The following ACYP1 variants were observed in gnomAD, a reference collection of about 807,000 sequenced individuals.
ACYP1 encodes acylphosphatase 1.
Under a neutral mutation model 10.4 loss-of-function variants are expected in ACYP1, and 8 were observed. That is an observed-to-expected ratio of 0.77 (90% CI 0.45 to 1.38). The LOEUF is 1.38. Among genes scored for constraint, ACYP1 ranks in the 40% most tolerant of loss-of-function variants. The probability of loss-of-function intolerance (pLI) is 0.00; values close to 1 mark genes in which losing one functional copy is unlikely to be tolerated. For synonymous variants in ACYP1, 38 were observed against 40.8 expected (o/e 0.93, Z 0.26); for missense variants, 93 against 117.3 (o/e 0.79, Z 0.96).
intron 1 of ACYP1, 95 bp from the exon 2 acceptor site, chr14:75,063,656 T>C: frequency 1.0e-6 from 1 of 998,014 alleles, no homozygotes; most frequent in Non-Finnish European, 1.5e-6. Context: ...CTGTCCATCC[T>C]TAACCATTGC....
chr14:75,060,279 A>C (rs1391647857), intron 2 of ACYP1: 2 of 690,106 alleles, frequency 2.9e-6, no homozygotes, highest in Non-Finnish European at 5.3e-6. Flanking sequence ...ACAAACAAAC[A>C]ACCACAATGA....
intron 2 of ACYP1, chr14:75,061,654 T>C: frequency 1.3e-6 from 2 of 1,508,938 alleles, no homozygotes; most frequent in Non-Finnish European, 1.8e-6. Flanking sequence ...GAAGCTGTTA[T>C]CTCAATCACC....
chr14:75,062,828 A>G (rs1410240911), intron 2 of ACYP1, among the ~76,000 whole-genome samples: 1 of 152,200 alleles, frequency 6.6e-6, no homozygotes, highest in Non-Finnish European at 1.5e-5. Context: ...AAGCAGAGGT[A>G]GAGGCTGCCA....
chr14:75,057,677 A>G (rs1892907971), intron 2 of ACYP1, among the ~76,000 whole-genome samples: 1 of 151,362 alleles, frequency 6.6e-6, no homozygotes, highest in Admixed American at 6.6e-5. Flanking sequence ...GCTATAAAGA[A>G]CTACCTGAGG....
intron 2 of ACYP1, chr14:75,063,192 G>A: frequency 2.4e-6 from 1 of 420,748 alleles, no homozygotes; most frequent in East Asian, 4.4e-5. Flanking sequence ...GGCGAGCACT[G>A]GGGAAGCCCT....
chr14:75,057,616 T>C (rs1892906591), intron 2 of ACYP1, among the ~76,000 whole-genome samples: 1 of 151,402 alleles, frequency 6.6e-6, no homozygotes, highest in Non-Finnish European at 1.5e-5. Context: ...CTGCAGTAAC[T>C]GAGACAGTGT....
In ACYP1 at chr14:75,056,610, AAC is replaced by A. The variant is rs1050565955; in HGVS notation, c.85-2953_85-2952del. Among the ~76,000 whole-genome samples, 57 of 151,608 alleles carry A rather than the reference AAC, an allele frequency of 3.8e-4. 2 individuals carry two copies. The highest frequency in any genetic ancestry group is 1.3e-3 in the African/African-American group (55 of 41,012). On this transcript the variant is annotated intron_variant, in intron 2 of 2. Coordinates refer to ENST00000238618, the MANE Select transcript of ACYP1 (RefSeq NM_001107.5). ...AAACCATAGACCAATATCTCTTATG[AAC>A]AGAGATGCAAAAATCATCAGCAAAA...
intron 2 of ACYP1, among the ~76,000 whole-genome samples, chr14:75,061,199 T>C (rs1220768300): frequency 6.6e-6 from 1 of 152,186 alleles, no homozygotes; most frequent in Non-Finnish European, 1.5e-5. Flanking sequence ...TAGGGGTTTC[T>C]TTTTGGGATG....
At chr14:75,062,979 CT>C (rs1410718579) in intron 2 of ACYP1, 1 of 153,910 alleles carries the variant, frequency 6.5e-6, no homozygotes, top group Non-Finnish European at 1.4e-5. Flanking sequence ...GGTAAATGTT[CT>C]TTCAAAACCA....
intron 2 of ACYP1, chr14:75,061,815 G>A: frequency 7.2e-7 from 1 of 1,393,638 alleles, no homozygotes; most frequent in East Asian, 2.5e-5. Context: ...AGAAAAAGAG[G>A]TATTGGCCGG....
rs376854444 is a variant in ACYP1, at chr14:75,053,653, C to T, written c.91G>A (p.Gly31Ser). Residue 31 changes from glycine to serine, a missense_variant, in exon 3 of 3, where the codon GGT (glycine) becomes AGT (serine). Coordinates refer to ENST00000238618, the MANE Select transcript of ACYP1 (RefSeq NM_001107.5). ...CAGCCTACCAATCCCAGCTTTTTAC[C>T]CTCAGCCTAAGGGGGGTAAAAAGAG... Reference protein sequence around the residue: ...VFFRKHTQAEGKKLGLVGWVQ... With the variant: ...VFFRKHTQAESKKLGLVGWVQ... 12 of 1,613,954 alleles carry T rather than the reference C, an allele frequency of 7.4e-6. No homozygotes were observed. Among genetic ancestry groups the T allele is most frequent in the African/African-American group, 1.3e-5 (1 of 74,884 alleles).
chr14:75,066,349 T>C (rs542306175), upstream of ACYP1, among the ~76,000 whole-genome samples: 8 of 149,324 alleles, frequency 5.4e-5, no homozygotes, highest in Admixed American at 5.5e-4. Flanking sequence ...AATATAGATA[T>C]AATTTTTGCT....
At chr14:75,058,913 T>C (rs1892949215) in intron 2 of ACYP1, among the ~76,000 whole-genome samples, 2 of 152,156 alleles carry the variant, frequency 1.3e-5, no homozygotes, top group East Asian at 1.9e-4. Context: ...GAAGAAAACA[T>C]AGGCGGCTGG....
At chr14:75,059,024 C>A (rs192052889) in intron 2 of ACYP1, among the ~76,000 whole-genome samples, 1 of 151,408 alleles carries the variant, frequency 6.6e-6, no homozygotes, top group African/African-American at 2.4e-5. Flanking sequence ...ATGGTGAAAC[C>A]CCGTCGCTAC....
In ACYP1 at chr14:75,061,582, G is replaced by C. The variant is rs180795708; in HGVS notation, c.84+1888C>G. Reference sequence around the variant, plus strand: ...TAAACTGGGGAGAGGGGCAGGTAGAGAAAGATGGGCTATGCATACCACTAT... The same window carrying C: ...TAAACTGGGGAGAGGGGCAGGTAGACAAAGATGGGCTATGCATACCACTAT... On this transcript the variant is annotated intron_variant, in intron 2 of 2. Transcript: ENST00000238618. The C allele has an allele frequency of 4.9e-4, 299 of 613,168 alleles. No individual in the cohort carries two copies. The African/African-American group carries it at 5.1e-3, about 11-fold the overall frequency. The allele number at this position is 613,168 out of a possible 1,614,324, so 38.0% of individuals were successfully genotyped here.
chr14:75,063,456 T>C lies in ACYP1; in HGVS notation c.84+14A>G, dbSNP rs1184205657. 40 of 1,611,718 alleles carry C rather than the reference T, an allele frequency of 2.5e-5. No homozygotes were observed. Among genetic ancestry groups the C allele is most frequent in the Non-Finnish European group, 3.2e-5 (38 of 1,178,346 alleles). On this transcript the variant is annotated intron_variant, in intron 2 of 2. Transcript: ENST00000238618. ...CAACCTAGGTTACCACCCCAAAGCC[T>C]GCAGGCCACATACCTGAGTATGCTT...
chr14:75,062,791 C>T (rs1373142670), intron 2 of ACYP1, among the ~76,000 whole-genome samples: 1 of 152,056 alleles, frequency 6.6e-6, no homozygotes, highest in African/African-American at 2.4e-5. Context: ...TTTGTGTGTG[C>T]CTGTTGAGGG....
At chr14:75,066,289 T>C (rs1438258117), upstream of ACYP1, among the ~76,000 whole-genome samples, 1 of 152,250 alleles carries the variant, frequency 6.6e-6, no homozygotes, top group African/African-American at 2.4e-5. Context: ...TAGCTTGATT[T>C]AATCACTGCA....
At chr14:75,069,262 C>G (rs759041940) in exon 1 of ACYP1, 14 of 1,472,278 alleles carry the variant, frequency 9.5e-6, no homozygotes, top group Admixed American at 8.1e-5. Flanking sequence ...GCAGCAGCCC[C>G]GCTCCCGCCA....
Sources: allele counts gnomAD v4.1 joint callset (sites outside exome capture counted in the v4.1 genomes callset), GRCh38; gene constraint gnomAD v4.1.1; transcripts MANE v1.5; gene names NCBI Gene and HGNC (gene_info 2026-07-23, HGNC 2026-07-21).